RSRC1: variants seen among roughly 807,000 people sequenced by gnomAD.
RSRC1 encodes the protein arginine and serine rich coiled-coil 1, also known as serine/Arginine-related protein 53.
Under a neutral mutation model 49.1 loss-of-function variants are expected in RSRC1, and 39 were observed. The observed-to-expected ratio is 0.79, with a 90% CI of 0.61 to 1.04. The LOEUF (loss-of-function observed/expected upper bound fraction) is 1.04, where lower values mean the gene tolerates loss of function less well. RSRC1 is among the 50% of genes least tolerant of loss of function. The pLI, the probability that RSRC1 is intolerant of heterozygous loss-of-function variation, is 0.00. For missense variants in RSRC1, 388 were observed against 402.4 expected, an observed-to-expected ratio of 0.96 and a Z score of 0.31; for synonymous variants, 143 against 130.8, an observed-to-expected ratio of 1.09 and a Z score of -0.63.
intron 3 of RSRC1, among the ~76,000 whole-genome samples, chr3:158,149,382 A>C (rs1717371518): frequency 6.6e-6 from 1 of 152,180 alleles, no homozygotes; most frequent in African/African-American, 2.4e-5. Context: ...GTTGCTGGCC[A>C]GCTGTGGACT....
At chr3:158,350,619 AGT>A (rs1344845302) in intron 5 of RSRC1, among the ~76,000 whole-genome samples, 1 of 152,150 alleles carries the variant, frequency 6.6e-6, no homozygotes, top group African/African-American at 2.4e-5. Flanking sequence ...CTGTAGAAAT[AGT>A]GTTTTTTAAT....
intron 7 of RSRC1, among the ~76,000 whole-genome samples, chr3:158,532,317 T>C (rs949852432): frequency 2.0e-5 from 3 of 151,894 alleles, no homozygotes; most frequent in African/African-American, 7.2e-5. Context: ...TCTTCAGTTC[T>C]CAGCCTGGCA....
At chr3:158,532,689 C>T (rs1317437341) in intron 7 of RSRC1, among the ~76,000 whole-genome samples, 1 of 151,700 alleles carries the variant, frequency 6.6e-6, no homozygotes, top group Non-Finnish European at 1.5e-5. Flanking sequence ...TTTTATTTTA[C>T]TATGAAGTAT....
intron 1 of RSRC1, among the ~76,000 whole-genome samples, chr3:158,118,189 A>T (rs908836297): frequency 7.9e-5 from 12 of 152,020 alleles, no homozygotes; most frequent in Non-Finnish European, 1.8e-4. Context: ...GACTCAAGTG[A>T]TCTGTTTGCC....
At chr3:158,307,262 T>G (rs1727887911) in intron 5 of RSRC1, among the ~76,000 whole-genome samples, 1 of 151,980 alleles carries the variant, frequency 6.6e-6, no homozygotes, top group Non-Finnish European at 1.5e-5. Flanking sequence ...GAACTGATTC[T>G]GTGCACTGGC....
At chr3:158,163,611 TGAA>T (rs1329644747) in intron 3 of RSRC1, among the ~76,000 whole-genome samples, 2 of 152,076 alleles carry the variant, frequency 1.3e-5, no homozygotes, top group East Asian at 3.9e-4. Flanking sequence ...GATGGATGGG[TGAA>T]GATGTTTTCT....
At chr3:158,519,594 A>G (rs912740667) in intron 7 of RSRC1, among the ~76,000 whole-genome samples, 1 of 152,160 alleles carries the variant, frequency 6.6e-6, no homozygotes, top group Non-Finnish European at 1.5e-5. Context: ...GGCAAGGGGT[A>G]GAGATTTGGT....
chr3:158,331,934 T>C (rs940715455), intron 5 of RSRC1, among the ~76,000 whole-genome samples: 2 of 151,700 alleles, frequency 1.3e-5, no homozygotes, highest in Non-Finnish European at 2.9e-5. Flanking sequence ...ATAATATATA[T>C]CTTTTAAAGT....
intron 3 of RSRC1, among the ~76,000 whole-genome samples, chr3:158,175,464 G>A (rs1163590024): frequency 6.6e-6 from 1 of 151,146 alleles, no homozygotes; most frequent in Non-Finnish European, 1.5e-5. Context: ...TTATTTTCAT[G>A]TGTGGTGTGT....
rs145464027 is a variant in RSRC1 at position 158,504,546 on chromosome 3, A to C, written c.653-32546A>C. Among the ~76,000 whole-genome samples, 725 of 152,310 alleles carry C rather than the reference A, an allele frequency of 4.8e-3. 8 individuals carry two copies. The highest frequency in any genetic ancestry group is 0.017 in the African/African-American group (693 of 41,564). ...TTTAAATTGTATGACCTAGATTTAC[A>C]CACTGGTCTTTCTACTCACTGGGTA... is the stretch of plus-strand genomic sequence containing the variant. On this transcript the variant is annotated intron_variant, in intron 7 of 9. Transcript: ENST00000611884.
At chr3:158,124,872 G>A (rs1012529139) in intron 3 of RSRC1, among the ~76,000 whole-genome samples, 1 of 144,626 alleles carries the variant, frequency 6.9e-6, no homozygotes, top group African/African-American at 2.6e-5. Flanking sequence ...AGGCTTGGGT[G>A]TATTGGTGCA....
intron 7 of RSRC1, among the ~76,000 whole-genome samples, chr3:158,528,584 A>G (rs1324564779): frequency 2.0e-5 from 3 of 151,960 alleles, no homozygotes; most frequent in African/African-American, 7.2e-5. Flanking sequence ...GGCAGACAGC[A>G]TTCACTGCAA....
chr3:158,127,866 C>CT (rs1383873914), intron 3 of RSRC1, among the ~76,000 whole-genome samples: 1 of 149,718 alleles, frequency 6.7e-6, no homozygotes, highest in Non-Finnish European at 1.5e-5. Context: ...CACCAACCAG[C>CT]TTTTTTCAAT....
At chr3:158,489,551 A>G (rs964021132) in intron 7 of RSRC1, among the ~76,000 whole-genome samples, 6 of 152,184 alleles carry the variant, frequency 3.9e-5, no homozygotes, top group African/African-American at 1.4e-4. Context: ...GTTGTAGTTT[A>G]TTTTTATATA....
chr3:158,227,071 G>A (rs1722568566), intron 4 of RSRC1, among the ~76,000 whole-genome samples: 1 of 151,698 alleles, frequency 6.6e-6, no homozygotes, highest in Non-Finnish European at 1.5e-5. Flanking sequence ...GATTTTGTTG[G>A]GTTGGTTTAG....
In RSRC1 at chr3:158,395,189, A is replaced by T. The variant is rs563382924; in HGVS notation, c.583+40281A>T. 1.8e-4 allele frequency among the ~76,000 whole-genome samples: 28 copies of T among 152,258 alleles called. No homozygotes were observed. In the East Asian group the frequency reaches 3.1e-3, roughly 17 times the overall value. On this transcript the variant is annotated intron_variant, in intron 6 of 9. Transcript: ENST00000611884. ...ATATACAAAGATCAACTCAAGATGG[A>T]TTAAAGACTTAAATATAAAACCTCA...
At chr3:158,359,533 T>G (rs1731353342) in intron 6 of RSRC1, among the ~76,000 whole-genome samples, 1 of 152,132 alleles carries the variant, frequency 6.6e-6, no homozygotes, top group Non-Finnish European at 1.5e-5. Flanking sequence ...GCACCAGCTC[T>G]CTGAGAGGCT....
At chr3:158,327,285 G>A (rs1334548165) in intron 5 of RSRC1, among the ~76,000 whole-genome samples, 1 of 152,120 alleles carries the variant, frequency 6.6e-6, no homozygotes, top group African/African-American at 2.4e-5. Flanking sequence ...GGTTTTGAAT[G>A]TTTGCTCTTG....
At chr3:158,146,342 C>T (rs1180727255) in intron 3 of RSRC1, among the ~76,000 whole-genome samples, 2 of 152,176 alleles carry the variant, frequency 1.3e-5, no homozygotes, top group Non-Finnish European at 1.5e-5. Flanking sequence ...GCATGAAGGG[C>T]TGTTGAATTT....
Sources: gnomAD v4.1 joint callset for allele counts (sites outside exome capture counted in the v4.1 genomes callset) on GRCh38, gnomAD v4.1.1 for gene constraint, MANE v1.5 for transcripts, NCBI Gene and HGNC (gene_info 2026-07-23, HGNC 2026-07-21) for gene names.